Variants in CENPP observed in about 807,000 individuals in gnomAD.
The protein encoded by CENPP is centromere protein P.
In CENPP, 24 loss-of-function variants were observed where a neutral mutation model predicts 35.6. The observed-to-expected ratio is 0.67, with a 90% CI of 0.49 to 0.95. The LOEUF (loss-of-function observed/expected upper bound fraction) is 0.95, where lower values mean the gene tolerates loss of function less well. CENPP is among the 40% of genes least tolerant of loss of function. CENPP has a pLI of 0.00. For synonymous variants in CENPP, 120 were observed against 125.5 expected, an observed-to-expected ratio of 0.96 and a Z score of 0.29; for missense variants, 332 against 345.3, an observed-to-expected ratio of 0.96 and a Z score of 0.31.
chr9:92,531,314 A>G (rs1177416238), intron 5 of CENPP, among the ~76,000 whole-genome samples: 1 of 152,074 alleles, frequency 6.6e-6, no homozygotes, highest in Non-Finnish European at 1.5e-5. Flanking sequence ...TTGACTTATC[A>G]AAGTCTTAAT....
chr9:92,331,621 G>T (rs1212852974), intron 1 of CENPP, among the ~76,000 whole-genome samples: 2 of 152,218 alleles, frequency 1.3e-5, no homozygotes, highest in African/African-American at 4.8e-5. Context: ...TTTCTAATAT[G>T]TGGAAATTTG....
chr9:92,401,110 G>A (rs1196581734), intron 5 of CENPP: 1 of 1,486,844 alleles, frequency 6.7e-7, no homozygotes, highest in Non-Finnish European at 9.4e-7. Flanking sequence ...TCTTTCTTGG[G>A]AGGTAATGGT....
At chr9:92,491,306 C>T (rs966951045) in intron 5 of CENPP, among the ~76,000 whole-genome samples, 1 of 151,992 alleles carries the variant, frequency 6.6e-6, no homozygotes, top group African/African-American at 2.4e-5. Context: ...CACTGAATAG[C>T]GGGGGTTTTG....
intron 5 of CENPP, among the ~76,000 whole-genome samples, chr9:92,473,392 T>A (rs1052508718): frequency 2.0e-5 from 3 of 152,230 alleles, no homozygotes; most frequent in African/African-American, 7.2e-5. Context: ...TATTTTTATC[T>A]GGAATTTTGA....
chr9:92,523,274 T>C (rs1326810847), intron 5 of CENPP, among the ~76,000 whole-genome samples: 1 of 152,164 alleles, frequency 6.6e-6, no homozygotes, highest in African/African-American at 2.4e-5. Flanking sequence ...CCTTTATCTT[T>C]AGACCAGGAA....
At chr9:92,546,462 T>C (rs1849453829) in intron 5 of CENPP, among the ~76,000 whole-genome samples, 1 of 152,156 alleles carries the variant, frequency 6.6e-6, no homozygotes, top group African/African-American at 2.4e-5. Context: ...GCTTCGCTCC[T>C]GAAGCCAGCG....
intron 4 of CENPP, among the ~76,000 whole-genome samples, chr9:92,353,342 G>A (rs1841511788): frequency 6.6e-6 from 1 of 152,236 alleles, no homozygotes; most frequent in East Asian, 1.9e-4. Context: ...AAGCACCTCA[G>A]GGGGTCGTGT....
intron 5 of CENPP, chr9:92,494,111 CT>C: frequency 6.3e-7 from 1 of 1,597,900 alleles, no homozygotes; most frequent in Non-Finnish European, 8.5e-7. Flanking sequence ...CACATCTGAT[CT>C]GTTTGTCACT....
chr9:92,492,371 G>A (rs1846195211), intron 5 of CENPP, among the ~76,000 whole-genome samples: 1 of 152,306 alleles, frequency 6.6e-6, no homozygotes, highest in East Asian at 1.9e-4. Context: ...GAATAATTAT[G>A]TGTGAGTGGG....
chr9:92,553,299 T>C (rs1191870232), intron 5 of CENPP, among the ~76,000 whole-genome samples: 1 of 152,248 alleles, frequency 6.6e-6, no homozygotes, highest in Non-Finnish European at 1.5e-5. Flanking sequence ...TATTATGCTG[T>C]TTTGGTGACT....
At chr9:92,431,851 G>A (rs116972256) in intron 5 of CENPP, among the ~76,000 whole-genome samples, 4,712 of 152,256 alleles carry the variant, frequency 0.031, 114 homozygotes, top group South Asian at 0.084. Context: ...GGGATTGCAG[G>A]CGTTAGCCAC....
intron 5 of CENPP, among the ~76,000 whole-genome samples, chr9:92,471,585 C>T (rs1254634257): frequency 6.6e-6 from 1 of 151,878 alleles, no homozygotes; most frequent in Non-Finnish European, 1.5e-5. Flanking sequence ...AAAACTTTAC[C>T]ACCCATTTCC....
intron 5 of CENPP, chr9:92,403,465 A>C (rs1054977298): frequency 3.3e-6 from 5 of 1,534,122 alleles, no homozygotes; most frequent in Non-Finnish European, 4.4e-6. Context: ...TGACTGTGGG[A>C]CAAAACTCTC....
chr9:92,444,346 A>T (rs1844497230), intron 5 of CENPP, among the ~76,000 whole-genome samples: 1 of 151,800 alleles, frequency 6.6e-6, no homozygotes. Flanking sequence ...GCATTTTTAA[A>T]TTGGGGTTTT....
At chr9:92,381,300 T>TC (rs1204987745) in intron 5 of CENPP, among the ~76,000 whole-genome samples, 87 of 147,900 alleles carry the variant, frequency 5.9e-4, no homozygotes, top group Admixed American at 7.4e-4. Context: ...TTTTTTTTTT[T>TC]TGAGACAGGG....
intron 2 of CENPP, 54 bp from the exon 3 acceptor site, chr9:92,337,487 C>T: frequency 2.0e-6 from 2 of 981,148 alleles, no homozygotes; most frequent in Non-Finnish European, 1.6e-6. Context: ...AAATAATACA[C>T]ATTTGAAGAA....
At chr9:92,474,718 T>C in intron 5 of CENPP, 1 of 1,612,496 alleles carries the variant, frequency 6.2e-7, no homozygotes, top group Non-Finnish European at 8.5e-7. Context: ...TTCTTGGCTC[T>C]CTTGTTGGAA....
chr9:92,520,939 T>G (rs1848028149), intron 5 of CENPP, among the ~76,000 whole-genome samples: 1 of 152,230 alleles, frequency 6.6e-6, no homozygotes, highest in Non-Finnish European at 1.5e-5. Flanking sequence ...GATTAGTGGT[T>G]GCCAAGGGCT....
intron 5 of CENPP, among the ~76,000 whole-genome samples, chr9:92,504,653 G>T (rs962562870): frequency 6.6e-6 from 1 of 152,040 alleles, no homozygotes; most frequent in African/African-American, 2.4e-5. Flanking sequence ...CTCCACCTCA[G>T]CCTCCTGAGC....
Sources: allele counts gnomAD v4.1 joint callset (sites outside exome capture counted in the v4.1 genomes callset), GRCh38; gene constraint gnomAD v4.1.1; transcripts MANE v1.5; gene names NCBI Gene and HGNC (gene_info 2026-07-23, HGNC 2026-07-21).